Variants in PDE3B observed in about 807,000 individuals in gnomAD.
The protein encoded by PDE3B is phosphodiesterase 3B, also known as cGMP-inhibited 3',5'-cyclic phosphodiesterase 3B.
In PDE3B, 66 loss-of-function variants were observed where a neutral mutation model predicts 116.8. The ratio of observed to expected loss-of-function variants is 0.56; its 90% CI spans 0.46 to 0.69. The LOEUF (loss-of-function observed/expected upper bound fraction) is 0.69. Ranked by LOEUF, PDE3B falls within the 30% of genes least tolerant of loss-of-function variation. The pLI, the probability that PDE3B is intolerant of heterozygous loss-of-function variation, is 0.00. For synonymous variants in PDE3B, 595 were observed against 533.6 expected (o/e 1.12, Z -1.59); for missense variants, 1,384 against 1,368.1 (o/e 1.01, Z -0.18).
chr11:14,844,529 G>A lies in PDE3B; in HGVS notation c.2520+503G>A, dbSNP rs558817408. On this transcript the variant is annotated intron_variant, in intron 12 of 15. Coordinates refer to ENST00000282096, the MANE Select transcript of PDE3B (RefSeq NM_000922.4). ...CACCGTGCGCGAGCCGAAGCAGGGC[G>A]AGGCATTGCCTCACTCGGGAAGCAC... Among the ~76,000 whole-genome samples, 782 of 152,332 alleles carry A rather than the reference G, an allele frequency of 5.1e-3. 9 individuals are homozygous for A. The highest frequency in any genetic ancestry group is 0.018 in the African/African-American group (753 of 41,582).
intron 11 of PDE3B, among the ~76,000 whole-genome samples, chr11:14,835,835 C>T (rs1254201368): frequency 2.0e-5 from 3 of 152,162 alleles, no homozygotes; most frequent in Non-Finnish European, 4.4e-5. Context: ...TGGTGACACA[C>T]ACCTGTCCTA....
At chr11:14,708,578 T>C (rs1855600982) in intron 1 of PDE3B, among the ~76,000 whole-genome samples, 1 of 152,074 alleles carries the variant, frequency 6.6e-6, no homozygotes, top group South Asian at 2.1e-4. Flanking sequence ...AAGAATGTTA[T>C]TGGATCAGCT....
intron 2 of PDE3B, among the ~76,000 whole-genome samples, chr11:14,785,940 A>T (rs1032081523): frequency 6.6e-6 from 1 of 152,038 alleles, no homozygotes; most frequent in Admixed American, 6.6e-5. Context: ...CAGATTTCTC[A>T]TATTAGCCCA....
chr11:14,849,523 A>G (rs1375136251), intron 12 of PDE3B, among the ~76,000 whole-genome samples: 1 of 152,202 alleles, frequency 6.6e-6, no homozygotes, highest in African/African-American at 2.4e-5. Flanking sequence ...TGCACAGCAA[A>G]AGAAACTACC....
rs1256992492 is a variant in PDE3B at position 14,644,882 on chromosome 11, C to A, written c.807C>A (p.Ile269=). Residue 269 remains isoleucine, a synonymous_variant, in exon 1 of 16, where the codon ATC becomes ATA. Coordinates refer to ENST00000282096, the MANE Select transcript of PDE3B (RefSeq NM_000922.4). ...LALGLDHFFQ[I]REAPLHPRLS... is the part of the protein sequence containing the mutation. ...TGGGGTTGGATCACTTCTTTCAAAT[C>A]AGGGAAGCGCCTCTTCATCCTCGAC... The A allele has an allele frequency of 1.2e-6, 2 of 1,613,900 alleles. No individual in the cohort carries two copies. The highest frequency in any genetic ancestry group is 2.7e-5 in the African/African-American group (2 of 74,924).
intron 5 of PDE3B, among the ~76,000 whole-genome samples, chr11:14,813,660 T>G (rs531160073): frequency 6.6e-6 from 1 of 152,316 alleles, no homozygotes; most frequent in Admixed American, 6.5e-5. Context: ...AACATATAGG[T>G]TCTGTGGTTT....
In PDE3B at chr11:14,785,055, GATTA is replaced by G. The variant is rs748635997; in HGVS notation, c.1030-1376_1030-1373del. 1.9e-4 allele frequency among the ~76,000 whole-genome samples: 29 copies of G among 152,182 alleles called. 1 individual carries two copies. The highest frequency in any genetic ancestry group is 4.6e-4 in the Admixed American group (7 of 15,282). ...GAGGTTTTTTTGCCTATCAGATAGGGATTAATTAAATTCATAGTTGCTAATTGTA... is the reference window on the plus strand; with the variant it reads ...GAGGTTTTTTTGCCTATCAGATAGGGATTAAATTCATAGTTGCTAATTGTA... On this transcript the variant is annotated intron_variant, in intron 2 of 15. Transcript: ENST00000282096.
At chr11:14,789,010 A>T (rs940577199) in intron 3 of PDE3B, 96 bp from the exon 4 acceptor site, 1 of 816,718 alleles carries the variant, frequency 1.2e-6, no homozygotes, top group African/African-American at 1.8e-5. Flanking sequence ...TGTTAAAAAT[A>T]TACTTTGTAT....
At chr11:14,690,368 T>C (rs1855010264) in intron 1 of PDE3B, among the ~76,000 whole-genome samples, 1 of 152,180 alleles carries the variant, frequency 6.6e-6, no homozygotes, top group Non-Finnish European at 1.5e-5. Context: ...TAAATAACAA[T>C]TTAGTCTTTT....
At chr11:14,672,170 A>G (rs1854391630) in intron 1 of PDE3B, among the ~76,000 whole-genome samples, 1 of 151,542 alleles carries the variant, frequency 6.6e-6, no homozygotes, top group African/African-American at 2.4e-5. Flanking sequence ...TCTTAAGCAC[A>G]AGGACAATGT....
intron 2 of PDE3B, among the ~76,000 whole-genome samples, chr11:14,782,921 A>C (rs1483565257): frequency 6.6e-6 from 1 of 152,200 alleles, no homozygotes; most frequent in Non-Finnish European, 1.5e-5. Context: ...ACAAGAAAAA[A>C]ATCAAACAAC....
intron 3 of PDE3B, among the ~76,000 whole-genome samples, chr11:14,787,867 A>T (rs1374780156): frequency 6.6e-6 from 1 of 151,788 alleles, no homozygotes; most frequent in Non-Finnish European, 1.5e-5. Flanking sequence ...TTTTCTGTTG[A>T]TATTTGATAC....
At chr11:14,675,458 A>G (rs991922864) in intron 1 of PDE3B, among the ~76,000 whole-genome samples, 4 of 152,138 alleles carry the variant, frequency 2.6e-5, no homozygotes, top group African/African-American at 4.8e-5. Flanking sequence ...GGTTATATAC[A>G]CTTATGTAAT....
intron 1 of PDE3B, among the ~76,000 whole-genome samples, chr11:14,653,721 G>T (rs1017984047): frequency 6.6e-6 from 1 of 152,122 alleles, no homozygotes. Flanking sequence ...GTCGCTGGCC[G>T]AGTGTGGTGG....
chr11:14,813,634 C>T (rs2133945115), intron 5 of PDE3B, among the ~76,000 whole-genome samples: 1 of 152,330 alleles, frequency 6.6e-6, no homozygotes, highest in East Asian at 1.9e-4. Flanking sequence ...TTAAATATCC[C>T]TTTGCCATGC....
intron 1 of PDE3B, among the ~76,000 whole-genome samples, chr11:14,754,062 C>G (rs1053481607): frequency 6.6e-6 from 1 of 151,796 alleles, no homozygotes; most frequent in African/African-American, 2.4e-5. Context: ...ACAACTAAGA[C>G]TTTAGACAAA....
chr11:14,682,878 GT>G (rs1554981221), intron 1 of PDE3B, among the ~76,000 whole-genome samples: 1 of 150,968 alleles, frequency 6.6e-6, no homozygotes, highest in Non-Finnish European at 1.5e-5. Context: ...AGAAATGAGT[GT>G]ATAGACCTGG....
intron 1 of PDE3B, among the ~76,000 whole-genome samples, chr11:14,667,459 TA>T (rs903838641): frequency 9.1e-5 from 13 of 143,252 alleles, no homozygotes; most frequent in Non-Finnish European, 1.5e-4. Flanking sequence ...TAAATTAAAT[TA>T]AAAAAAAGAA....
chr11:14,896,220 C>G, the PDE3B span, among the ~76,000 whole-genome samples: 1 of 152,256 alleles, frequency 6.6e-6, no homozygotes, highest in Non-Finnish European at 1.5e-5. Flanking sequence ...ACTTCATGAT[C>G]TTGTTGAAGA....
Sources: allele counts gnomAD v4.1 joint callset (sites outside exome capture counted in the v4.1 genomes callset), GRCh38; gene constraint gnomAD v4.1.1; transcripts MANE v1.5; gene names NCBI Gene and HGNC (gene_info 2026-07-23, HGNC 2026-07-21).